Variants in ITGBL1 observed in about 807,000 individuals in gnomAD.
ITGBL1 encodes integrin subunit beta like 1, also known as integrin beta-like protein 1.
ITGBL1 carries 51 observed loss-of-function variants against 68.5 expected under a neutral mutation model. That is an observed-to-expected ratio of 0.74 (90% CI 0.59 to 0.94). The LOEUF (loss-of-function observed/expected upper bound fraction) is 0.94. Ranked by LOEUF, ITGBL1 falls within the 40% of genes least tolerant of loss-of-function variation. The pLI, the probability that ITGBL1 is intolerant of heterozygous loss-of-function variation, is 0.00. For synonymous variants in ITGBL1, 209 were observed against 227.3 expected, an observed-to-expected ratio of 0.92 and a Z score of 0.72; for missense variants, 649 against 647.4, an observed-to-expected ratio of 1.00 and a Z score of -0.03.
chr13:101,453,071 C>T, intron 1 of ITGBL1, 140 bp downstream of exon 1: 2 of 661,624 alleles, frequency 3.0e-6, no homozygotes, highest in Non-Finnish European at 5.4e-6. Context: ...GTTCCTTTTC[C>T]TCTCCTTATA....
intron 7 of ITGBL1, among the ~76,000 whole-genome samples, chr13:101,626,314 C>G (rs947859144): frequency 1.9e-4 from 29 of 152,136 alleles, no homozygotes; most frequent in Non-Finnish European, 2.6e-4. Flanking sequence ...CTATTAAGCA[C>G]TTTGAAAATT....
At chr13:101,644,427 A>G (rs866456840) in intron 7 of ITGBL1, among the ~76,000 whole-genome samples, 55 of 152,232 alleles carry the variant, frequency 3.6e-4, no homozygotes, top group African/African-American at 1.3e-3. Flanking sequence ...GATAATGGTG[A>G]GATCAAATGA....
intron 2 of ITGBL1, among the ~76,000 whole-genome samples, chr13:101,523,283 G>A (rs1206232810): frequency 1.3e-5 from 2 of 152,164 alleles, no homozygotes; most frequent in Non-Finnish European, 2.9e-5. Context: ...GCCAGGCCTG[G>A]ATGACAAACA....
In ITGBL1 at chr13:101,485,189, T is replaced by C. The variant is rs2048683600; in HGVS notation, c.316+31089T>C. 2.0e-5 allele frequency among the ~76,000 whole-genome samples: 3 copies of C among 152,316 alleles called. No homozygotes were observed. The South Asian group carries it at 6.2e-4, about 32-fold the overall frequency. On this transcript the variant is annotated intron_variant, in intron 2 of 10. Coordinates refer to ENST00000376180, the MANE Select transcript of ITGBL1 (RefSeq NM_004791.3). ...ACAAAAGAGAATCATCACTGGTCGA[T>C]GTCAGCTAGAAGAAATGCTAGAGGA...
rs531811134 is a variant in ITGBL1, at chr13:101,708,709, G to A, written c.1279+1807G>A. ...TGACTATCTGTGGTGCCAAGAAGGG[G>A]GATGAAAATGAATGCAGATGTATTC... On this transcript the variant is annotated intron_variant, in intron 9 of 10. Transcript: ENST00000376180. Among the ~76,000 whole-genome samples the A allele has an allele frequency of 2.6e-5, 4 of 152,274 alleles. No individual in the cohort carries two copies. The South Asian group carries it at 8.3e-4, about 32-fold the overall frequency.
At chr13:101,620,619 T>C (rs539720279) in intron 7 of ITGBL1, among the ~76,000 whole-genome samples, 2 of 152,258 alleles carry the variant, frequency 1.3e-5, no homozygotes, top group Admixed American at 1.3e-4. Flanking sequence ...AATGAATGTG[T>C]CCTCAACCCA....
chr13:101,654,667 G>A (rs2032863108), intron 7 of ITGBL1, among the ~76,000 whole-genome samples: 1 of 152,144 alleles, frequency 6.6e-6, no homozygotes, highest in African/African-American at 2.4e-5. Flanking sequence ...AGGTGCTTAT[G>A]ATATAAAGTG....
chr13:101,681,692 G>C (rs1054428661), intron 7 of ITGBL1, among the ~76,000 whole-genome samples: 1 of 152,082 alleles, frequency 6.6e-6, no homozygotes, highest in Admixed American at 6.6e-5. Flanking sequence ...AAAGTCTAAG[G>C]CTTGAGATAT....
At chr13:101,581,160 G>A (rs889511357) in intron 5 of ITGBL1, among the ~76,000 whole-genome samples, 4 of 152,056 alleles carry the variant, frequency 2.6e-5, no homozygotes, top group Non-Finnish European at 4.4e-5. Context: ...AACCAATGTT[G>A]CAGACATAAG....
chr13:101,513,686 A>G (rs935105323), intron 2 of ITGBL1, among the ~76,000 whole-genome samples: 1 of 152,156 alleles, frequency 6.6e-6, no homozygotes, highest in Non-Finnish European at 1.5e-5. Context: ...AGCCTTTAAA[A>G]TGGTCAGTAA....
In ITGBL1 at chr13:101,610,726, T is replaced by G. The variant is rs571988010; in HGVS notation, c.1015+12427T>G. Among the ~76,000 whole-genome samples, 5 of 152,192 alleles carry G rather than the reference T, an allele frequency of 3.3e-5. No individual in the cohort carries two copies. The East Asian group carries it at 9.7e-4, about 29-fold the overall frequency. ...AGCACAGGGCCCACAAAGCCTGAAA[T>G]ATTTCTCATGCAGCCCCTTACAGAA... On this transcript the variant is annotated intron_variant, in intron 7 of 10. Transcript: ENST00000376180.
At chr13:101,475,760 G>C (rs4559786) in intron 2 of ITGBL1, among the ~76,000 whole-genome samples, 129,555 of 149,290 alleles carry the variant, frequency 0.87, 56,325 homozygotes, top group East Asian at 1. Context: ...AGGCCAAAAG[G>C]GACTGGTGCA....
intron 2 of ITGBL1, among the ~76,000 whole-genome samples, chr13:101,496,462 A>ATTGTGC (rs2048859169): frequency 6.6e-6 from 1 of 152,204 alleles, no homozygotes. Context: ...AATACACATA[A>ATTGTGC]TTGTGCTTGT....
At chr13:101,508,779 G>T (rs1209051090) in intron 2 of ITGBL1, among the ~76,000 whole-genome samples, 1 of 152,068 alleles carries the variant, frequency 6.6e-6, no homozygotes, top group Non-Finnish European at 1.5e-5. Flanking sequence ...CCAGAGCTCA[G>T]ATGAATATTC....
chr13:101,610,618 T>G (rs968959001), intron 7 of ITGBL1, among the ~76,000 whole-genome samples: 1 of 152,154 alleles, frequency 6.6e-6, no homozygotes, highest in Non-Finnish European at 1.5e-5. Context: ...TAAATAAAGT[T>G]TTATTAGATC....
chr13:101,647,498 T>C (rs1462214569), intron 7 of ITGBL1, among the ~76,000 whole-genome samples: 4 of 151,950 alleles, frequency 2.6e-5, no homozygotes, highest in African/African-American at 7.3e-5. Context: ...CAAAAAAAAA[T>C]ATATTTGAAG....
intron 2 of ITGBL1, among the ~76,000 whole-genome samples, chr13:101,486,043 A>C (rs2048698116): frequency 6.6e-6 from 1 of 152,164 alleles, no homozygotes; most frequent in Admixed American, 6.5e-5. Flanking sequence ...AGATAAACGC[A>C]CACATGTGTT....
At chr13:101,592,558 A>G (rs1413344053) in intron 6 of ITGBL1, among the ~76,000 whole-genome samples, 2 of 152,136 alleles carry the variant, frequency 1.3e-5, no homozygotes, top group Non-Finnish European at 2.9e-5. Context: ...AAAAATGAAT[A>G]TTGTCAAAAT....
At chr13:101,717,900 C>T (rs2034786909), downstream of ITGBL1, 1 of 152,046 alleles carries the variant, frequency 6.6e-6, no homozygotes, top group Admixed American at 6.6e-5. Flanking sequence ...TTTTTATTAA[C>T]AACAACAACT....
Sources: gnomAD v4.1 joint callset for allele counts (sites outside exome capture counted in the v4.1 genomes callset) on GRCh38, gnomAD v4.1.1 for gene constraint, MANE v1.5 for transcripts, NCBI Gene and HGNC (gene_info 2026-07-23, HGNC 2026-07-21) for gene names.